CADM2: variants seen among roughly 807,000 people sequenced by gnomAD.
CADM2 encodes immunoglobulin superfamily member 4D.
A neutral mutation model predicts 49.8 loss-of-function variants in CADM2; 12 were observed. The observed-to-expected ratio is 0.24, with a 90% CI of 0.15 to 0.39. CADM2 has a LOEUF of 0.39. Among genes scored for constraint, CADM2 ranks in the 10% least tolerant of loss-of-function variants. The probability of loss-of-function intolerance (pLI) is 1.00; values close to 1 mark genes in which losing one functional copy is unlikely to be tolerated. For missense variants in CADM2, 378 were observed against 492.3 expected (o/e 0.77, Z 2.20); for synonymous variants, 214 against 175.4 (o/e 1.22, Z -1.74).
intron 1 of CADM2, among the ~76,000 whole-genome samples, chr3:85,371,677 GTATATATATATATATATATATATA>G (rs1167720851): frequency 4.2e-5 from 4 of 95,154 alleles, no homozygotes; most frequent in African/African-American, 1.3e-4. Flanking sequence ...GTGTGTGTGT[GTATATATATATATATATATATATA>G]TATATATATA....
At chr3:85,640,208 T>A (rs2064666436) in intron 1 of CADM2, among the ~76,000 whole-genome samples, 1 of 152,168 alleles carries the variant, frequency 6.6e-6, no homozygotes, top group Non-Finnish European at 1.5e-5. Context: ...TATTTCTCTA[T>A]TTTCTTCCCA....
At chr3:86,055,709 C>T (rs1050467067) in intron 8 of CADM2, among the ~76,000 whole-genome samples, 2 of 152,020 alleles carry the variant, frequency 1.3e-5, no homozygotes, top group Non-Finnish European at 2.9e-5. Flanking sequence ...AAGGCTCCAC[C>T]TCCTAATATC....
At chr3:85,505,619 C>G (rs2040315101) in intron 1 of CADM2, among the ~76,000 whole-genome samples, 1 of 152,134 alleles carries the variant, frequency 6.6e-6, no homozygotes, top group African/African-American at 2.4e-5. Context: ...GGGTATGCAA[C>G]TAAGTCACAG....
intron 1 of CADM2, among the ~76,000 whole-genome samples, chr3:85,495,007 T>C (rs1034981044): frequency 5.3e-5 from 8 of 152,234 alleles, no homozygotes; most frequent in Non-Finnish European, 1.0e-4. Context: ...CAGTCGATAG[T>C]GCATTTTTTC....
In CADM2 at chr3:85,347,599, A is replaced by C. The variant is rs1023334037; in HGVS notation, c.62-378923A>C. ...TATATACATATATACATATATATAC[A>C]TATATATAAAAATATATATACATAT... On this transcript the variant is annotated intron_variant, in intron 1 of 9. Transcript: ENST00000383699. Among the ~76,000 whole-genome samples, 8 of 124,354 alleles carry C rather than the reference A, an allele frequency of 6.4e-5. No homozygotes were observed. The South Asian group carries it at 2.0e-3, about 30-fold the overall frequency. The allele number at this position is 124,354 out of a possible 152,430, so 81.6% of individuals were successfully genotyped here.
At chr3:85,060,376 C>T (rs1192173345) in intron 1 of CADM2, among the ~76,000 whole-genome samples, 1 of 152,096 alleles carries the variant, frequency 6.6e-6, no homozygotes, top group Admixed American at 6.6e-5. Flanking sequence ...ATCCACCCGC[C>T]TCAATCTCCC....
At chr3:85,562,011 T>C (rs2062108921) in intron 1 of CADM2, among the ~76,000 whole-genome samples, 1 of 151,926 alleles carries the variant, frequency 6.6e-6, no homozygotes, top group Non-Finnish European at 1.5e-5. Flanking sequence ...AGAGAATAGG[T>C]AAAAAATAGA....
At chr3:85,609,464 C>T (rs1447261377) in intron 1 of CADM2, among the ~76,000 whole-genome samples, 6 of 151,824 alleles carry the variant, frequency 4.0e-5, no homozygotes, top group Admixed American at 6.6e-5. Flanking sequence ...CATTCTATAC[C>T]GTTATTTCTT....
At chr3:85,194,789 C>A (rs561505796) in intron 1 of CADM2, among the ~76,000 whole-genome samples, 1 of 151,940 alleles carries the variant, frequency 6.6e-6, no homozygotes, top group Non-Finnish European at 1.5e-5. Flanking sequence ...GTGTCGTGAT[C>A]CCATTATTCC....
intron 2 of CADM2, among the ~76,000 whole-genome samples, chr3:85,760,131 G>C (rs2069303126): frequency 6.6e-6 from 1 of 152,012 alleles, no homozygotes; most frequent in Non-Finnish European, 1.5e-5. Context: ...TGTCAGATTT[G>C]CTAGATATAT....
chr3:85,436,725 A>G, intron 1 of CADM2, among the ~76,000 whole-genome samples: 1 of 152,204 alleles, frequency 6.6e-6, no homozygotes, highest in East Asian at 1.9e-4. Flanking sequence ...GTTTATAGCA[A>G]AAATAAGCAG....
chr3:85,123,299 C>CTTG (rs1321085358), intron 1 of CADM2, among the ~76,000 whole-genome samples: 4 of 152,144 alleles, frequency 2.6e-5, no homozygotes, highest in African/African-American at 9.7e-5. Context: ...AATGAGGTTT[C>CTTG]TTGTTATTCC....
chr3:85,026,533 T>C (rs2107309543), intron 1 of CADM2, among the ~76,000 whole-genome samples: 1 of 152,336 alleles, frequency 6.6e-6, no homozygotes, highest in East Asian at 1.9e-4. Flanking sequence ...TGTAGTTTTA[T>C]ATTTTGTCCA....
chr3:85,628,516 T>C (rs1417388000), intron 1 of CADM2, among the ~76,000 whole-genome samples: 2 of 147,266 alleles, frequency 1.4e-5, no homozygotes, highest in African/African-American at 5.1e-5. Context: ...CATATACATA[T>C]ATATATATAC....
chr3:86,053,428 G>A (rs918384235), intron 8 of CADM2, among the ~76,000 whole-genome samples: 1 of 152,132 alleles, frequency 6.6e-6, no homozygotes. Context: ...AGATGCGGAA[G>A]AAACCCAGTG....
chr3:85,373,287 C>G (rs957353324), intron 1 of CADM2, among the ~76,000 whole-genome samples: 1 of 152,122 alleles, frequency 6.6e-6, no homozygotes, highest in Non-Finnish European at 1.5e-5. Flanking sequence ...CCAAGGAAAT[C>G]GGAAATTTAG....
chr3:85,156,157 G>T (rs2040112023), intron 1 of CADM2, among the ~76,000 whole-genome samples: 1 of 150,986 alleles, frequency 6.6e-6, no homozygotes, highest in Non-Finnish European at 1.5e-5. Context: ...GACACAAAAA[G>T]CCCTTCAAAA....
At chr3:85,937,355 T>G (rs541321738) in intron 7 of CADM2, among the ~76,000 whole-genome samples, 1 of 152,012 alleles carries the variant, frequency 6.6e-6, no homozygotes, top group African/African-American at 2.4e-5. Flanking sequence ...ATGCAAAATA[T>G]TACCTTTCTC....
rs565290048 is a variant in CADM2, at chr3:85,452,612, A to T, written c.62-273910A>T. On this transcript the variant is annotated intron_variant, in intron 1 of 9. Transcript: ENST00000383699. Reference sequence around the variant, plus strand: ...AGACAAACAGTTGTTCCAAACCATCAGTCTTTGTTCTTTGAAAGAGCTTTT... The same window carrying T: ...AGACAAACAGTTGTTCCAAACCATCTGTCTTTGTTCTTTGAAAGAGCTTTT... Among the ~76,000 whole-genome samples, 15 of 152,216 alleles carry T rather than the reference A, an allele frequency of 9.9e-5. 1 individual carries two copies. Among genetic ancestry groups the T allele is most frequent in the Admixed American group, 9.8e-4 (15 of 15,278 alleles).
Sources: gnomAD v4.1 joint callset for allele counts (sites outside exome capture counted in the v4.1 genomes callset) on GRCh38, gnomAD v4.1.1 for gene constraint, MANE v1.5 for transcripts, NCBI Gene and HGNC (gene_info 2026-07-23, HGNC 2026-07-21) for gene names.